The following LYPD6B variants were observed in gnomAD, a reference collection of about 807,000 sequenced individuals.
LYPD6B encodes the protein LY6/PLAUR domain containing 6B, also known as ly6/PLAUR domain-containing protein 6B.
In LYPD6B, 17 loss-of-function variants were observed where a neutral mutation model predicts 22.8. That is an observed-to-expected ratio of 0.75 (90% CI 0.51 to 1.12). The LOEUF (loss-of-function observed/expected upper bound fraction) is 1.12, where lower values mean the gene tolerates loss of function less well. Ranked by LOEUF, LYPD6B falls within the 50% of genes most tolerant of loss-of-function variation. LYPD6B has a pLI of 0.00. For missense variants in LYPD6B, 221 were observed against 258.3 expected (o/e 0.86, Z 0.99); for synonymous variants, 106 against 91.6 (o/e 1.16, Z -0.90).
chr2:149,056,972 T>C (rs1308480305), intron 1 of LYPD6B, among the ~76,000 whole-genome samples: 1 of 152,212 alleles, frequency 6.6e-6, no homozygotes, highest in East Asian at 1.9e-4. Context: ...ATACCCCATC[T>C]ATTTAAAATT....
chr2:149,104,781 C>T (rs931913234), intron 1 of LYPD6B, among the ~76,000 whole-genome samples: 6 of 152,016 alleles, frequency 3.9e-5, no homozygotes, highest in African/African-American at 1.4e-4. Flanking sequence ...GAAATCTTTG[C>T]CTAACCCAAA....
intron 3 of LYPD6B, among the ~76,000 whole-genome samples, chr2:149,178,548 CAA>C (rs1691484301): frequency 6.6e-6 from 1 of 152,170 alleles, no homozygotes; most frequent in Non-Finnish European, 1.5e-5. Flanking sequence ...CAGAGCCTGT[CAA>C]AGTCAAGGGA....
At chr2:149,203,429 A>G (rs536902995) in intron 3 of LYPD6B, among the ~76,000 whole-genome samples, 23 of 152,324 alleles carry the variant, frequency 1.5e-4, no homozygotes, top group African/African-American at 5.1e-4. Context: ...AATAATGACT[A>G]TGGAATAGAC....
At chr2:149,042,204 G>T (rs759660418) in intron 1 of LYPD6B, among the ~76,000 whole-genome samples, 1 of 152,230 alleles carries the variant, frequency 6.6e-6, no homozygotes. Context: ...TCCAAAGAGC[G>T]ATAACTTTGG....
intron 3 of LYPD6B, among the ~76,000 whole-genome samples, chr2:149,167,679 A>G (rs1364027436): frequency 6.6e-6 from 1 of 152,114 alleles, no homozygotes; most frequent in Non-Finnish European, 1.5e-5. Context: ...CCTTATCACC[A>G]TAGAGGATGT....
intron 3 of LYPD6B, among the ~76,000 whole-genome samples, chr2:149,180,678 C>T (rs549823725): frequency 1.3e-5 from 2 of 152,334 alleles, no homozygotes; most frequent in African/African-American, 2.4e-5. Flanking sequence ...CGATCTGAGG[C>T]CCAGCCTCGC....
At chr2:149,098,714 A>T (rs1241746891) in intron 1 of LYPD6B, among the ~76,000 whole-genome samples, 2 of 150,156 alleles carry the variant, frequency 1.3e-5, no homozygotes, top group Non-Finnish European at 3.0e-5. Flanking sequence ...GCATGAGTAC[A>T]TTGGAACTTT....
chr2:149,103,549 TATGTA>T (rs1686316612), intron 1 of LYPD6B, among the ~76,000 whole-genome samples: 1 of 152,116 alleles, frequency 6.6e-6, no homozygotes, highest in Non-Finnish European at 1.5e-5. Flanking sequence ...AGTTTGGACA[TATGTA>T]GTATAGATCT....
intron 6 of LYPD6B, among the ~76,000 whole-genome samples, chr2:149,213,733 G>A (rs1200811279): frequency 6.6e-6 from 1 of 152,168 alleles, no homozygotes; most frequent in Non-Finnish European, 1.5e-5. Flanking sequence ...AATCACCTGG[G>A]TAGCTTTTAC....
At chr2:149,088,028 T>C (rs2105427384) in intron 1 of LYPD6B, among the ~76,000 whole-genome samples, 1 of 152,172 alleles carries the variant, frequency 6.6e-6, no homozygotes, top group South Asian at 2.1e-4. Context: ...CCATCCACAT[T>C]CGGCCTTCAT....
chr2:149,207,752 A>C (rs762623369), intron 4 of LYPD6B, among the ~76,000 whole-genome samples: 1 of 152,192 alleles, frequency 6.6e-6, no homozygotes, highest in Non-Finnish European at 1.5e-5. Flanking sequence ...GCATATGGAC[A>C]GAAACCAGCA....
intron 1 of LYPD6B, among the ~76,000 whole-genome samples, chr2:149,125,473 G>T (rs967680786): frequency 1.3e-5 from 2 of 152,158 alleles, no homozygotes; most frequent in African/African-American, 4.8e-5. Context: ...CAGGAAACAA[G>T]TCAACCTCTC....
chr2:149,192,741 A>G (rs1457985845), intron 3 of LYPD6B, among the ~76,000 whole-genome samples: 3 of 152,098 alleles, frequency 2.0e-5, no homozygotes, highest in Non-Finnish European at 2.9e-5. Flanking sequence ...TGCTAATTTG[A>G]GCCCTCTTAG....
At chr2:149,159,373 C>T (rs1689902716) in intron 2 of LYPD6B, among the ~76,000 whole-genome samples, 1 of 152,124 alleles carries the variant, frequency 6.6e-6, no homozygotes, top group Non-Finnish European at 1.5e-5. Context: ...TACTAGCATG[C>T]TCAGAGCCTA....
At chr2:149,051,790 T>A (rs563466616) in intron 1 of LYPD6B, among the ~76,000 whole-genome samples, 4 of 151,590 alleles carry the variant, frequency 2.6e-5, no homozygotes, top group African/African-American at 9.7e-5. Flanking sequence ...CTCAGCCTCC[T>A]GTGTAGCTGG....
chr2:149,105,826 G>A (rs1193587347), intron 1 of LYPD6B, among the ~76,000 whole-genome samples: 3 of 152,060 alleles, frequency 2.0e-5, no homozygotes, highest in African/African-American at 7.2e-5. Context: ...ATCCTCCTGT[G>A]CAATACTGAA....
intron 1 of LYPD6B, among the ~76,000 whole-genome samples, chr2:149,052,096 C>T (rs982436331): frequency 6.6e-5 from 10 of 151,916 alleles, no homozygotes; most frequent in African/African-American, 1.9e-4. Flanking sequence ...CTCGCTCTGT[C>T]ACTAGGCTGG....
chr2:149,139,124 T>C (rs576875327), intron 2 of LYPD6B, among the ~76,000 whole-genome samples: 1 of 152,282 alleles, frequency 6.6e-6, no homozygotes, highest in African/African-American at 2.4e-5. Context: ...AAGGCCACAG[T>C]GTCAGCCTTC....
At chr2:149,134,509 A>G (rs1355616295) in intron 2 of LYPD6B, among the ~76,000 whole-genome samples, 2 of 152,192 alleles carry the variant, frequency 1.3e-5, no homozygotes, top group African/African-American at 4.8e-5. Flanking sequence ...GAATGCTTAT[A>G]TAAATGTAGA....
Sources: gnomAD v4.1 joint callset for allele counts (sites outside exome capture counted in the v4.1 genomes callset) on GRCh38, gnomAD v4.1.1 for gene constraint, MANE v1.5 for transcripts, NCBI Gene and HGNC (gene_info 2026-07-23, HGNC 2026-07-21) for gene names.